Variants in KANK1 observed in about 807,000 individuals in gnomAD.
The protein encoded by KANK1 is KN motif and ankyrin repeat domains 1.
In KANK1, 109 loss-of-function variants were observed where a neutral mutation model predicts 106.2. The observed-to-expected ratio is 1.03, with a 90% CI of 0.88 to 1.20. The LOEUF is 1.20. Ranked by LOEUF, KANK1 falls within the 50% of genes most tolerant of loss-of-function variation. The probability of loss-of-function intolerance (pLI) is 0.00; values close to 1 mark genes in which losing one functional copy is unlikely to be tolerated. For missense variants in KANK1, 2,399 were observed against 1,710.7 expected (o/e 1.40, Z -7.10); for synonymous variants, 873 against 652.2 (o/e 1.34, Z -5.16).
intron 1 of KANK1, among the ~76,000 whole-genome samples, chr9:611,898 TTAG>T (rs1830644523): frequency 6.6e-6 from 1 of 152,146 alleles, no homozygotes; most frequent in Admixed American, 6.5e-5. Context: ...TTTTGTATGT[TTAG>T]TAGAGATGGG....
At chr9:564,325 G>A (rs1160515235) in intron 1 of KANK1, among the ~76,000 whole-genome samples, 1 of 152,102 alleles carries the variant, frequency 6.6e-6, no homozygotes, top group African/African-American at 2.4e-5. Context: ...GCCTCCCAAA[G>A]TGCTGGGATT....
chr9:619,729 A>G (rs770640183), intron 1 of KANK1, among the ~76,000 whole-genome samples: 3 of 152,186 alleles, frequency 2.0e-5, no homozygotes, highest in Non-Finnish European at 4.4e-5. Context: ...ATACATTCCT[A>G]TATTAAGATG....
At chr9:522,376 TGCA>T (rs1328295018) in intron 1 of KANK1, among the ~76,000 whole-genome samples, 4 of 151,494 alleles carry the variant, frequency 2.6e-5, no homozygotes, top group African/African-American at 7.3e-5. Flanking sequence ...TGTGGGGGAG[TGCA>T]CATACACACA....
intron 1 of KANK1, among the ~76,000 whole-genome samples, chr9:645,233 G>C (rs1201608326): frequency 6.7e-6 from 1 of 149,670 alleles, no homozygotes; most frequent in African/African-American, 2.5e-5. Flanking sequence ...TTAGGGTCAG[G>C]AGTTCAAGAT....
At chr9:688,086 G>T (rs1315824207) in intron 2 of KANK1, among the ~76,000 whole-genome samples, 2 of 152,222 alleles carry the variant, frequency 1.3e-5, no homozygotes, top group South Asian at 4.1e-4. Context: ...AGCCCTGCCA[G>T]TTGCCAATCT....
At chr9:546,369 G>A (rs2060928693) in intron 1 of KANK1, among the ~76,000 whole-genome samples, 2 of 151,934 alleles carry the variant, frequency 1.3e-5, no homozygotes, top group Admixed American at 1.3e-4. Context: ...ACTCTGCAGT[G>A]TCCAGGACAA....
chr9:708,279 A>G (rs62531221), intron 2 of KANK1, among the ~76,000 whole-genome samples: 2 of 106,106 alleles, frequency 1.9e-5, no homozygotes, highest in East Asian at 4.2e-4. Context: ...TTCAGACAGT[A>G]CTGGAGACAG....
chr9:683,316 G>A lies in KANK1; in HGVS notation c.37+6307G>A, dbSNP rs1214562881. On this transcript the variant is annotated intron_variant, in intron 2 of 11. Coordinates refer to ENST00000382297, the MANE Select transcript of KANK1 (RefSeq NM_015158.5). ...ATTCTCCCATAAGTAGTGTGTTGGA[G>A]GCTATTAGAATAGCTGAGAGGGTAA... Among the ~76,000 whole-genome samples the A allele has an allele frequency of 2.0e-5, 3 of 152,184 alleles. No individual in the cohort carries two copies. The East Asian group carries it at 5.8e-4, about 29-fold the overall frequency.
At chr9:545,499 C>A (rs1362069301) in intron 1 of KANK1, among the ~76,000 whole-genome samples, 1 of 152,036 alleles carries the variant, frequency 6.6e-6, no homozygotes, top group Non-Finnish European at 1.5e-5. Context: ...GGGCTTAGGG[C>A]AGAACTCTGA....
intron 1 of KANK1, among the ~76,000 whole-genome samples, chr9:592,799 C>A (rs980958747): frequency 6.6e-6 from 1 of 151,866 alleles, no homozygotes; most frequent in African/African-American, 2.4e-5. Flanking sequence ...ATTAGAGAGT[C>A]CTTACTCAAA....
chr9:506,082 G>A (rs758542718), intron 1 of KANK1, among the ~76,000 whole-genome samples: 1 of 152,080 alleles, frequency 6.6e-6, no homozygotes. Context: ...TAATATATCC[G>A]TAAAGTTATG....
chr9:590,183 G>A (rs1183086190), intron 1 of KANK1, among the ~76,000 whole-genome samples: 2 of 152,094 alleles, frequency 1.3e-5, no homozygotes, highest in Non-Finnish European at 2.9e-5. Flanking sequence ...TGATATTTAT[G>A]GTTGCTTTTT....
At chr9:532,908 C>G (rs1214388005) in intron 1 of KANK1, among the ~76,000 whole-genome samples, 1 of 152,100 alleles carries the variant, frequency 6.6e-6, no homozygotes. Flanking sequence ...CTTGTGTACA[C>G]AGCTGCAGGA....
intron 1 of KANK1, among the ~76,000 whole-genome samples, chr9:604,392 G>A (rs561001063): frequency 1.3e-5 from 2 of 151,778 alleles, no homozygotes; most frequent in East Asian, 3.9e-4. Context: ...ACCCCATGCT[G>A]TCCTCCTGAT....
At chr9:628,122 T>C (rs899109653) in intron 1 of KANK1, among the ~76,000 whole-genome samples, 5 of 152,218 alleles carry the variant, frequency 3.3e-5, no homozygotes, top group Non-Finnish European at 5.9e-5. Context: ...CTGCATCTTA[T>C]TGATGAGGAA....
At chr9:649,495 T>G (rs1008186562) in intron 1 of KANK1, among the ~76,000 whole-genome samples, 1 of 152,176 alleles carries the variant, frequency 6.6e-6, no homozygotes, top group Non-Finnish European at 1.5e-5. Context: ...GAGTGTGGAT[T>G]TGGTCCAGTA....
At chr9:502,914 C>T (rs1388425899), upstream of KANK1, among the ~76,000 whole-genome samples, 2 of 152,028 alleles carry the variant, frequency 1.3e-5, no homozygotes, top group African/African-American at 4.8e-5. Context: ...TGCTCACTGC[C>T]GCCTCGACCT....
At chr9:523,617 C>T (rs952589542) in intron 1 of KANK1, among the ~76,000 whole-genome samples, 19 of 151,716 alleles carry the variant, frequency 1.3e-4, no homozygotes, top group South Asian at 6.2e-4. Context: ...CCTGTGCTCG[C>T]CCCCACCTCT....
intron 1 of KANK1, among the ~76,000 whole-genome samples, chr9:565,577 G>GA (rs1264982644): frequency 6.6e-6 from 1 of 152,198 alleles, no homozygotes; most frequent in Non-Finnish European, 1.5e-5. Context: ...GGGGACTATA[G>GA]AATGGATGTT....
Sources: allele counts gnomAD v4.1 joint callset (sites outside exome capture counted in the v4.1 genomes callset), GRCh38; gene constraint gnomAD v4.1.1; transcripts MANE v1.5; gene names NCBI Gene and HGNC (gene_info 2026-07-23, HGNC 2026-07-21).